Variants in MID1 observed in about 807,000 individuals in gnomAD.
The protein encoded by MID1 is E3 ubiquitin-protein ligase Midline-1.
Under a neutral mutation model 40.4 loss-of-function variants are expected in MID1, and 7 were observed. The ratio of observed to expected loss-of-function variants is 0.17; its 90% CI spans 0.10 to 0.33. The LOEUF (loss-of-function observed/expected upper bound fraction) is 0.33, where lower values mean the gene tolerates loss of function less well. MID1 is among the 10% of genes least tolerant of loss of function. The probability of loss-of-function intolerance (pLI) is 1.00; values close to 1 mark genes in which losing one functional copy is unlikely to be tolerated. For synonymous variants in MID1, 229 were observed against 221.2 expected (o/e 1.04, Z -0.31); for missense variants, 367 against 558.5 (o/e 0.66, Z 3.46).
chrX:10,629,509 A>C (rs1490881801), intron 1 of MID1, among the ~76,000 whole-genome samples: 1 of 111,945 alleles, frequency 8.9e-6, no homozygotes, highest in African/African-American at 3.3e-5. Flanking sequence ...CCAGCACTGT[A>C]ATGATTTTTA....
chrX:10,468,184 A>C (rs1929494653), intron 7 of MID1, among the ~76,000 whole-genome samples: 1 of 111,967 alleles, frequency 8.9e-6, no homozygotes, highest in African/African-American at 3.3e-5. Context: ...ATTTTAATAA[A>C]AGCTTCCACG....
intron 3 of MID1, among the ~76,000 whole-genome samples, chrX:10,498,437 C>T (rs1931372113): frequency 8.9e-6 from 1 of 112,120 alleles, no homozygotes; most frequent in African/African-American, 3.2e-5. Context: ...TTAAAACTGC[C>T]TTATTGGAAT....
intron 1 of MID1, among the ~76,000 whole-genome samples, chrX:10,591,588 T>G: frequency 8.9e-6 from 1 of 111,739 alleles, no homozygotes; most frequent in East Asian, 2.8e-4. Context: ...AAGGGAGCTT[T>G]ATTGTGCCGG....
intron 1 of MID1, among the ~76,000 whole-genome samples, chrX:10,587,513 G>A (rs1260686734): frequency 8.9e-6 from 1 of 112,640 alleles, no homozygotes; most frequent in Non-Finnish European, 1.9e-5. Flanking sequence ...ACTCCAGGCT[G>A]TAGAATCCTG....
intron 1 of MID1, among the ~76,000 whole-genome samples, chrX:10,630,359 C>T (rs1936038567): frequency 9.0e-6 from 1 of 111,266 alleles, no homozygotes; most frequent in Admixed American, 9.6e-5. Context: ...AGACTTTCAA[C>T]TACAGTGATG....
chrX:10,499,428 A>G (rs186083047), intron 3 of MID1, among the ~76,000 whole-genome samples: 424 of 112,058 alleles, frequency 3.8e-3, no homozygotes, highest in Non-Finnish European at 5.6e-3. Flanking sequence ...TACCCTTTAA[A>G]GCACAAAACA....
chrX:10,769,422 A>G (rs1371398259), intron 1 of MID1, among the ~76,000 whole-genome samples: 1 of 111,782 alleles, frequency 8.9e-6, no homozygotes, highest in Non-Finnish European at 1.9e-5. Flanking sequence ...ATTAGATGGG[A>G]GACATGGGAG....
At chrX:10,475,092 G>A (rs754446773) in intron 5 of MID1, 10 of 340,829 alleles carry the variant, frequency 2.9e-5, no homozygotes, top group Non-Finnish European at 5.1e-5. Context: ...AGCAAGAAGC[G>A]CGTAGCTCTA....
chrX:10,477,045 C>A (rs943529516), intron 5 of MID1, among the ~76,000 whole-genome samples: 1 of 112,412 alleles, frequency 8.9e-6, no homozygotes, highest in Non-Finnish European at 1.9e-5. Context: ...GCATTCGATG[C>A]AGAAAAGTTA....
intron 1 of MID1, among the ~76,000 whole-genome samples, chrX:10,612,291 A>C (rs1935748587): frequency 8.9e-6 from 1 of 111,780 alleles, no homozygotes; most frequent in Non-Finnish European, 1.9e-5. Context: ...CAACAATCTC[A>C]TTAGGATTTC....
chrX:10,608,570 G>GGGGGTTAGGGAT (rs2147529175), intron 1 of MID1, among the ~76,000 whole-genome samples: 1 of 111,975 alleles, frequency 8.9e-6, no homozygotes, highest in East Asian at 2.8e-4. Flanking sequence ...ACTGGTTTCT[G>GGGGGTTAGGGAT]GGGGTTAGGG....
At position 10,816,813 on chromosome X, in the gene MID1, C is replaced by A. The variant is rs187329124; in HGVS notation, c.-187+16741G>T. 3.9e-3 allele frequency among the ~76,000 whole-genome samples: 440 copies of A among 111,832 alleles called. 3 individuals carry two copies. The highest frequency in any genetic ancestry group is 0.014 in the African/African-American group (430 of 30,765). On this transcript the variant is annotated intron_variant, in intron 1 of 10. Transcript: ENST00000380785. Reference sequence around the variant, plus strand: ...TTACCTATAAAATGGAACTTGAGAGCATGTTTGGGGAGGTTCGTGGGTGAA... The same window carrying A: ...TTACCTATAAAATGGAACTTGAGAGAATGTTTGGGGAGGTTCGTGGGTGAA...
chrX:10,796,200 A>G (rs1284747129), intron 1 of MID1, among the ~76,000 whole-genome samples: 2 of 112,220 alleles, frequency 1.8e-5, no homozygotes, highest in Non-Finnish European at 3.8e-5. Flanking sequence ...GCATTTTAAA[A>G]GCTGTCAACA....
chrX:10,513,801 G>A (rs941687927), intron 3 of MID1, among the ~76,000 whole-genome samples: 1 of 112,422 alleles, frequency 8.9e-6, no homozygotes, highest in Non-Finnish European at 1.9e-5. Flanking sequence ...GAGCCACTGT[G>A]CCTGGCCAAC....
Position 10,454,927 on chromosome X carries a change from T to C in MID1, c.1598A>G (p.Asn533Ser), listed in dbSNP as rs1279961984. 1 of 1,209,775 alleles carries C rather than the reference T, an allele frequency of 8.3e-7. No homozygotes were observed. The highest frequency in any genetic ancestry group is 1.8e-5 in the African/African-American group (1 of 57,127). ...ATGCCGGCCACTATCAATAAACACA[T>C]TTCCAGCTACTCCATAGCTCCCCTG... is the stretch of plus-strand genomic sequence containing the variant. ...TSQGSYGVAG[N>S]VFIDSGRHYW... Residue 533 changes from asparagine to serine, a missense_variant, in exon 9 of 10, where the codon AAT (asparagine) becomes AGT (serine). This residue lies in a region of MID1 where 275 missense variants were observed against 383.1 expected (regional missense o/e 0.72). Coordinates refer to ENST00000317552, the MANE Select transcript of MID1 (RefSeq NM_000381.4).
chrX:10,597,894 A>T (rs965664383), intron 1 of MID1, among the ~76,000 whole-genome samples: 4 of 111,751 alleles, frequency 3.6e-5, no homozygotes, highest in Admixed American at 1.9e-4. Flanking sequence ...CCCCATGGTC[A>T]GCACATGTGA....
Position 10,567,234 on chromosome X carries a change from G to A in MID1, c.314C>T (p.Ala105Val). ...NSPSETRRER[A>V]FDANTMTSAE... ...GGAGGTCATGGTGTTGGCGTCAAAG[G>A]CCCGCTCCCGACGGGTCTCGCTGGG... Residue 105 changes from alanine to valine, a missense_variant, in exon 2 of 10, where the codon GCC (alanine) becomes GTC (valine). Coordinates refer to ENST00000317552, the MANE Select transcript of MID1 (RefSeq NM_000381.4). The A allele has an allele frequency of 8.3e-7, 1 of 1,210,124 alleles. No homozygotes were observed. Among genetic ancestry groups the A allele is most frequent in the Non-Finnish European group, 1.1e-6 (1 of 894,399 alleles).
chrX:10,446,965 C>T lies in MID1; in HGVS notation c.*2403G>A, dbSNP rs1928067991. 1 of 111,714 alleles carries T rather than the reference C, an allele frequency of 9.0e-6. No homozygotes were observed. The highest frequency in any genetic ancestry group is 3.3e-5 in the African/African-American group (1 of 30,550). 9.2% of individuals were successfully genotyped at this position (111,714 alleles called of 1,213,427 possible). ...TCAGTTTAAAGAGAATGCAAAATTA[C>T]ACTGCAGCAAATTTTTACAGCATAC... On this transcript the variant is annotated 3_prime_UTR_variant, in exon 10 of 10. Coordinates refer to ENST00000317552, the MANE Select transcript of MID1 (RefSeq NM_000381.4).
intron 1 of MID1, among the ~76,000 whole-genome samples, chrX:10,695,112 T>C (rs969493814): frequency 1.2e-4 from 13 of 112,044 alleles, no homozygotes; most frequent in Middle Eastern, 4.2e-3. Flanking sequence ...ATTACTATTA[T>C]AGAACCTAAG....
Sources: allele counts gnomAD v4.1 joint callset (sites outside exome capture counted in the v4.1 genomes callset), GRCh38; gene constraint gnomAD v4.1.1; regional missense constraint gnomAD v4.1.1; transcripts MANE v1.5; gene names NCBI Gene and HGNC (gene_info 2026-07-23, HGNC 2026-07-21).